Variants in PCDHA3 observed in about 807,000 individuals in gnomAD.
PCDHA3 encodes the protein protocadherin alpha 3.
Under a neutral mutation model 62.2 loss-of-function variants are expected in PCDHA3, and 41 were observed. The observed-to-expected ratio is 0.66, with a 90% CI of 0.51 to 0.86. PCDHA3 has a LOEUF of 0.86. Among genes scored for constraint, PCDHA3 ranks in the 40% least tolerant of loss-of-function variants. PCDHA3 has a pLI of 0.00. For missense variants in PCDHA3, 1,304 were observed against 1,241.2 expected, an observed-to-expected ratio of 1.05 and a Z score of -0.76; for synonymous variants, 640 against 555.4, an observed-to-expected ratio of 1.15 and a Z score of -2.14.
At chr5:140,927,403 C>T (rs1276847771) in intron 1 of PCDHA3, 1 of 1,614,146 alleles carries the variant, frequency 6.2e-7, no homozygotes, top group Non-Finnish European at 8.5e-7. Context: ...GCACTTTCGC[C>T]TGGACATGGG....
Position 140,801,657 on chromosome 5 carries a change from C to G in PCDHA3, c.460C>G (p.Leu154Val). The change falls in exon 1 of 4, where the codon CTA becomes GTA. Residue 154 changes from leucine (L) to valine (V), a missense_variant. Physicochemically the swap from Leu to Val is conservative, Grantham distance 32. Coordinates refer to ENST00000522353, the MANE Select transcript of PCDHA3 (RefSeq NM_018906.3). Reference protein sequence around the residue: ...ESRQPGSRFSLEGASDADIGT... With the variant: ...ESRQPGSRFSVEGASDADIGT... ...CCGACAGCCTGGCTCTCGGTTTTCG[C>G]TAGAGGGCGCATCAGATGCAGATAT... 6.2e-7 allele frequency: 1 copy of G among 1,614,150 alleles called. No individual in the cohort carries two copies. The highest frequency in any genetic ancestry group is 8.5e-7 in the Non-Finnish European group (1 of 1,180,030).
rs942533344 is a variant in PCDHA3, at chr5:140,870,223, T to A, written c.2394+66632T>A. The A allele has an allele frequency of 3.4e-5, 55 of 1,614,052 alleles. No homozygotes were observed. The highest frequency in any genetic ancestry group is 4.5e-5 in the Non-Finnish European group (53 of 1,180,044). On this transcript the variant is annotated intron_variant, in intron 1 of 3. Coordinates refer to ENST00000522353, the MANE Select transcript of PCDHA3 (RefSeq NM_018906.3). ...CACGGTCATTGCCCTGATCAGCGTG[T>A]CTGACCGTGACTCAGGTGTCAACGG...
At chr5:140,876,630 C>T in intron 1 of PCDHA3, 2 of 1,614,226 alleles carry the variant, frequency 1.2e-6, no homozygotes, top group Non-Finnish European at 1.7e-6. Context: ...GACAGGTCAT[C>T]TGCTCACTGA....
chr5:140,982,224 A>T, intron 2 of PCDHA3: 1 of 587,320 alleles, frequency 1.7e-6, no homozygotes, highest in South Asian at 3.8e-5. Context: ...TGGCGTTAAT[A>T]AAAAACAGAA....
In PCDHA3 at chr5:140,802,445, G is replaced by C; in HGVS notation, c.1248G>C (p.Glu416Asp). 1.9e-6 allele frequency: 3 copies of C among 1,614,240 alleles called. No homozygotes were observed. The highest frequency in any genetic ancestry group is 2.5e-6 in the Non-Finnish European group (3 of 1,180,052). Residue 416 changes from glutamate to aspartate, a missense_variant, in exon 1 of 4, where the codon GAG (glutamate) becomes GAC (aspartate). By Grantham distance (45) the Glu-to-Asp change is conservative (BLOSUM62 2). Coordinates refer to ENST00000522353, the MANE Select transcript of PCDHA3 (RefSeq NM_018906.3). ...TGCTGGACAGCCCTCTGGACCGCGA[G>C]AGCGTGTCGGCCTATGAGCTGGTGG... ...SLVLDSPLDR[E>D]SVSAYELVVT... is the part of the protein sequence containing the mutation.
chr5:140,803,375 G>A lies in PCDHA3; in HGVS notation c.2178G>A (p.Pro726=), dbSNP rs1562193619. The A allele has an allele frequency of 6.2e-7, 1 of 1,614,216 alleles. No homozygotes were observed. The change falls in exon 1 of 4, where the codon CCG becomes CCA. Residue 726 remains proline, a synonymous_variant. Coordinates refer to ENST00000522353, the MANE Select transcript of PCDHA3 (RefSeq NM_018906.3). ...ATACTGCTCTGCGGTGCTCCGCGCC[G>A]CCAACCGAAGGCGACTGTGGGCCGG... ...LLYTALRCSA[P]PTEGDCGPGK... is the part of the protein sequence containing the mutation.
chr5:141,007,844 C>T (rs782712601), intron 3 of PCDHA3, among the ~76,000 whole-genome samples: 3 of 152,176 alleles, frequency 2.0e-5, no homozygotes, highest in Non-Finnish European at 4.4e-5. Context: ...ATTAGAGACT[C>T]AAAGTCCTTA....
chr5:140,802,582 T>C lies in PCDHA3; in HGVS notation c.1385T>C (p.Val462Ala). ...APAFSQSEYT[V>A]FVKENNPPGC... ...GCATTCTCGCAGTCCGAGTACACGGTGTTCGTGAAGGAGAACAACCCGCCG... is the reference window on the plus strand; with the variant it reads ...GCATTCTCGCAGTCCGAGTACACGGCGTTCGTGAAGGAGAACAACCCGCCG... The change falls in exon 1 of 4, where the codon GTG becomes GCG. Residue 462 changes from valine (V) to alanine (A), a missense_variant. By Grantham distance (64) the Val-to-Ala change is moderately conservative. Transcript: ENST00000522353. 5.6e-6 allele frequency: 9 copies of C among 1,613,510 alleles called. No individual in the cohort carries two copies. The highest frequency in any genetic ancestry group is 1.3e-5 in the African/African-American group (1 of 74,798).
At chr5:140,824,307 A>G (rs2150134018) in intron 1 of PCDHA3, 9 of 785,582 alleles carry the variant, frequency 1.1e-5, no homozygotes, top group Admixed American at 2.5e-5. Context: ...CTGGGGTAAT[A>G]GATTCATCAG....
chr5:140,987,563 T>C (rs2097259374), intron 3 of PCDHA3, among the ~76,000 whole-genome samples: 1 of 152,226 alleles, frequency 6.6e-6, no homozygotes, highest in Non-Finnish European at 1.5e-5. Context: ...ATTCTCAGTT[T>C]CTTTCTCTAT....
At chr5:140,829,519 G>C (rs2150169302) in intron 1 of PCDHA3, 3 of 1,613,422 alleles carry the variant, frequency 1.9e-6, no homozygotes, top group African/African-American at 1.3e-5. Flanking sequence ...ACATCTTCAC[G>C]GTGTCTGCGC....
At chr5:140,805,846 G>A (rs1000448785) in intron 1 of PCDHA3, among the ~76,000 whole-genome samples, 2 of 151,978 alleles carry the variant, frequency 1.3e-5, no homozygotes, top group East Asian at 1.9e-4. Context: ...CTAGATATGC[G>A]ATCACCTTAA....
At chr5:140,823,702 C>A in intron 1 of PCDHA3, 1 of 1,613,952 alleles carries the variant, frequency 6.2e-7, no homozygotes, top group Non-Finnish European at 8.5e-7. Context: ...CGAAGCACCG[C>A]GCCACCGCCT....
chr5:140,933,902 A>C (rs1285587221), intron 1 of PCDHA3, among the ~76,000 whole-genome samples: 2 of 151,892 alleles, frequency 1.3e-5, no homozygotes, highest in African/African-American at 2.4e-5. Flanking sequence ...ATATTTTGGC[A>C]TAAAGTTGTT....
chr5:140,976,494 G>A (rs1247242198), intron 1 of PCDHA3, among the ~76,000 whole-genome samples: 1 of 151,942 alleles, frequency 6.6e-6, no homozygotes, highest in Non-Finnish European at 1.5e-5. Context: ...GAGGTTGCAG[G>A]GAGCCAAGAT....
At chr5:140,920,794 A>G (rs1433275588) in intron 1 of PCDHA3, among the ~76,000 whole-genome samples, 2 of 151,776 alleles carry the variant, frequency 1.3e-5, no homozygotes, top group Admixed American at 6.6e-5. Flanking sequence ...CAGGGAACCA[A>G]GATCACGCCA....
intron 1 of PCDHA3, among the ~76,000 whole-genome samples, chr5:140,820,457 C>T (rs2150107040): frequency 2.0e-5 from 3 of 151,924 alleles, no homozygotes; most frequent in Non-Finnish European, 2.9e-5. Context: ...TCCCTCTTGT[C>T]TTCACAGGTA....
At chr5:140,972,353 T>C (rs571045648) in intron 1 of PCDHA3, among the ~76,000 whole-genome samples, 5 of 152,058 alleles carry the variant, frequency 3.3e-5, no homozygotes, top group South Asian at 2.1e-4. Flanking sequence ...TCTCACTATG[T>C]TGCACATGCT....
Position 140,802,773 on chromosome 5 carries a change from G to T in PCDHA3, c.1576G>T (p.Glu526Ter). The part of the protein sequence containing the change: ...KVYALQPLDH[E>*]ELELLQFQVS... ...GTACGCGCTGCAGCCGCTGGACCAC[G>T]AGGAGCTAGAGCTGCTGCAGTTCCA... is the stretch of plus-strand genomic sequence containing the variant. The change falls in exon 1 of 4, where the codon GAG (glutamate) becomes TAG (stop). Residue 526 changes from glutamate to a stop codon, truncating the protein, a stop_gained. Coordinates refer to ENST00000522353, the MANE Select transcript of PCDHA3 (RefSeq NM_018906.3). LOFTEE classifies it high-confidence loss of function. 3 of 1,613,086 alleles carry T rather than the reference G, an allele frequency of 1.9e-6. No homozygotes were observed. Among genetic ancestry groups the T allele is most frequent in the Non-Finnish European group, 1.7e-6 (2 of 1,179,890 alleles).
Sources: allele counts gnomAD v4.1 joint callset (sites outside exome capture counted in the v4.1 genomes callset), GRCh38; gene constraint gnomAD v4.1.1; transcripts MANE v1.5; gene names NCBI Gene and HGNC (gene_info 2026-07-23, HGNC 2026-07-21).